The following USP24 variants were observed in gnomAD, a reference collection of about 807,000 sequenced individuals.
USP24 encodes ubiquitin specific peptidase 24.
A neutral mutation model predicts 361.6 loss-of-function variants in USP24; 97 were observed. That is an observed-to-expected ratio of 0.27 (90% confidence interval 0.23 to 0.32). USP24 has a LOEUF of 0.32. USP24 is among the 10% of genes least tolerant of loss of function. USP24 has a pLI of 1.00. For synonymous variants in USP24, 1,098 were observed against 1,124.6 expected (o/e 0.98, Z 0.47); for missense variants, 2,353 against 3,165.6 (o/e 0.74, Z 6.16).
intron 55 of USP24, chr1:55,086,414 A>C (rs1189247996): frequency 4.4e-6 from 1 of 225,420 alleles, no homozygotes; most frequent in African/African-American, 2.2e-5. Flanking sequence ...TCTACAGAGC[A>C]AACAGTCTAC....
intron 54 of USP24, among the ~76,000 whole-genome samples, chr1:55,090,492 T>C (rs1645349755): frequency 6.6e-6 from 1 of 152,248 alleles, no homozygotes; most frequent in African/African-American, 2.4e-5. Flanking sequence ...CTTTGATTAT[T>C]ATACATAAAA....
chr1:55,170,339 G>A (rs182618559), intron 5 of USP24, among the ~76,000 whole-genome samples: 15 of 152,152 alleles, frequency 9.9e-5, no homozygotes, highest in Admixed American at 4.6e-4. Flanking sequence ...GGATGCATAC[G>A]TAAAGTGAAA....
intron 56 of USP24, among the ~76,000 whole-genome samples, chr1:55,085,066 A>G (rs1645223520): frequency 6.6e-6 from 1 of 152,072 alleles, no homozygotes; most frequent in Non-Finnish European, 1.5e-5. Flanking sequence ...CTTGTATTCT[A>G]TATTTTGCAT....
At chr1:55,147,565 T>C (rs1225819711) in intron 18 of USP24, 84 bp downstream of exon 18, 1 of 1,381,028 alleles carries the variant, frequency 7.2e-7, no homozygotes, top group African/African-American at 1.5e-5. Flanking sequence ...TAGTTACAGC[T>C]AACAAAAATT....
At chr1:55,173,537 T>C (rs774515718) in intron 3 of USP24, among the ~76,000 whole-genome samples, 1 of 152,188 alleles carries the variant, frequency 6.6e-6, no homozygotes, top group Non-Finnish European at 1.5e-5. Context: ...CATGTTTTTG[T>C]AAGATTTTTC....
intron 9 of USP24, among the ~76,000 whole-genome samples, chr1:55,159,339 T>C (rs893394075): frequency 6.6e-5 from 10 of 152,158 alleles, no homozygotes; most frequent in African/African-American, 2.4e-4. Flanking sequence ...AAACTTTCTC[T>C]ATGCCAATTG....
At chr1:55,096,196 A>G (rs1645491546) in intron 50 of USP24, among the ~76,000 whole-genome samples, 1 of 152,240 alleles carries the variant, frequency 6.6e-6, no homozygotes, top group Non-Finnish European at 1.5e-5. Flanking sequence ...AACTATTTTT[A>G]AGGTTCAATT....
In USP24 at chr1:55,097,578, T is replaced by C. The variant is rs759985666; in HGVS notation, c.5715+20A>G. The C allele has an allele frequency of 1.0e-5, 16 of 1,524,636 alleles. No individual in the cohort carries two copies. The highest frequency in any genetic ancestry group is 6.1e-6 in the Non-Finnish European group (7 of 1,140,416). 94.4% of individuals were successfully genotyped at this position (1,524,636 alleles called of 1,614,324 possible). A position where few individuals can be genotyped will look rare whatever the true frequency, so the allele number is the denominator to read the frequency against. Reference sequence around the variant, plus strand: ...AGGAAATGAATGGTTGTGAAAAATTTCAGGAAGAAAAAAAGTTACCCTTAT... The same window carrying C: ...AGGAAATGAATGGTTGTGAAAAATTCCAGGAAGAAAAAAAGTTACCCTTAT... On this transcript the variant is annotated intron_variant, in intron 48 of 67. Coordinates refer to ENST00000294383, the MANE Select transcript of USP24 (RefSeq NM_015306.3).
At chr1:55,132,506 A>C (rs1222139775) in intron 31 of USP24, 39 bp downstream of exon 31, 1 of 1,582,154 alleles carries the variant, frequency 6.3e-7, no homozygotes, top group Non-Finnish European at 8.6e-7. Flanking sequence ...ATCCAAATAG[A>C]CCTGTCAAAA....
At chr1:55,096,905 C>G in intron 49 of USP24, 47 bp downstream of exon 49, 1 of 1,577,968 alleles carries the variant, frequency 6.3e-7, no homozygotes, top group South Asian at 1.1e-5. Context: ...TAACGGAGAG[C>G]AGGGGAGGGC....
At chr1:55,208,438 G>A (rs2100947326) in intron 1 of USP24, among the ~76,000 whole-genome samples, 1 of 152,168 alleles carries the variant, frequency 6.6e-6, no homozygotes, top group African/African-American at 2.4e-5. Flanking sequence ...GACCAGCCTG[G>A]CCAACATGGT....
At chr1:55,107,841 C>CAA (rs777328294) in intron 39 of USP24, among the ~76,000 whole-genome samples, 1,842 of 38,160 alleles carry the variant, frequency 0.048, 306 homozygotes, top group African/African-American at 0.085. Context: ...GACTCTGTCT[C>CAA]AAAAAAAAAA....
intron 58 of USP24, 99 bp from the exon 59 acceptor site, chr1:55,081,523 AATT>A: frequency 8.5e-7 from 1 of 1,179,092 alleles, no homozygotes; most frequent in Non-Finnish European, 1.3e-6. Context: ...TCTGGGCTTT[AATT>A]ATTTCTCAGT....
chr1:55,153,685 T>C (rs920628885), intron 16 of USP24, among the ~76,000 whole-genome samples, 185 bp downstream of exon 16: 7 of 152,082 alleles, frequency 4.6e-5, no homozygotes, highest in Admixed American at 1.3e-4. Flanking sequence ...TTTTTTCCCA[T>C]TAAGAGCACC....
At chr1:55,094,533 A>T (rs908427929) in intron 51 of USP24, among the ~76,000 whole-genome samples, 2 of 152,038 alleles carry the variant, frequency 1.3e-5, no homozygotes, top group Non-Finnish European at 2.9e-5. Context: ...TAAAACACAT[A>T]TAGTCATATT....
At position 55,106,144 on chromosome 1, in the gene USP24, A is replaced by G; in HGVS notation, c.4880+2T>C. 1 of 1,607,758 alleles carries G rather than the reference A, an allele frequency of 6.2e-7. No homozygotes were observed. Among genetic ancestry groups the G allele is most frequent in the Non-Finnish European group, 8.5e-7 (1 of 1,174,294 alleles). On this transcript the variant is annotated splice_donor_variant, in intron 41 of 67. Transcript: ENST00000294383. LOFTEE classifies it high-confidence loss of function. ...ACTGAACACAACGTGCATTTTCCAT[A>G]CTTTGGATGAAAGTCCTGTTGACTG...
chr1:55,075,425 A>T (rs770944683), intron 63 of USP24, 32 bp downstream of exon 63: 4 of 1,560,500 alleles, frequency 2.6e-6, no homozygotes, highest in Non-Finnish European at 3.5e-6. Context: ...TATTTACTAT[A>T]GACATTTGTG....
In USP24 at chr1:55,066,894, CCTGTCATAA is replaced by C. The variant is rs1469316953; in HGVS notation, c.*2142_*2150del. The stretch of plus-strand genomic sequence containing the variant: ...AAAATGACAACTCTTCCAAGGTAAG[CCTGTCATAA>C]CTGTCACTGTTGTACTACATTAAAA... On this transcript the variant is annotated 3_prime_UTR_variant, in exon 68 of 68. Coordinates refer to ENST00000294383, the MANE Select transcript of USP24 (RefSeq NM_015306.3). The C allele has an allele frequency of 2.0e-5, 3 of 152,098 alleles. No homozygotes were observed. The highest frequency in any genetic ancestry group is 4.4e-5 in the Non-Finnish European group (3 of 68,024). The allele number at this position is 152,098 out of a possible 1,614,324, so 9.4% of individuals were successfully genotyped here.
chr1:55,068,951 C>A lies in USP24; in HGVS notation c.*94G>T. 7.3e-7 allele frequency: 1 copy of A among 1,367,802 alleles called. No homozygotes were observed. The allele number at this position is 1,367,802 out of a possible 1,614,324, so 84.7% of individuals were successfully genotyped here. A position where few individuals can be genotyped will look rare whatever the true frequency, so the allele number is the denominator to read the frequency against. On this transcript the variant is annotated 3_prime_UTR_variant, in exon 68 of 68. Transcript: ENST00000294383. ...CACAGCAGCTTTCCCAGTCCAATCT[C>A]CAGGCTCTTCCAAAGGGTTCGAGAT...
Sources: allele counts gnomAD v4.1 joint callset (sites outside exome capture counted in the v4.1 genomes callset), GRCh38; gene constraint gnomAD v4.1.1; transcripts MANE v1.5; gene names NCBI Gene and HGNC (gene_info 2026-07-23, HGNC 2026-07-21).